XKR4: variants seen among roughly 807,000 people sequenced by gnomAD.
XKR4 encodes XK related 4, also known as XK-related protein 4.
XKR4 carries 12 observed loss-of-function variants against 53.9 expected under a neutral mutation model. The ratio of observed to expected loss-of-function variants is 0.22; its 90% CI spans 0.14 to 0.36. The LOEUF (loss-of-function observed/expected upper bound fraction) is 0.36, where lower values mean the gene tolerates loss of function less well. XKR4 is among the 10% of genes least tolerant of loss of function. The pLI, the probability that XKR4 is intolerant of heterozygous loss-of-function variation, is 1.00. For missense variants in XKR4, 799 were observed against 859.5 expected, an observed-to-expected ratio of 0.93 and a Z score of 0.88; for synonymous variants, 354 against 362.4, an observed-to-expected ratio of 0.98 and a Z score of 0.26.
At chr8:55,478,532 C>A (rs555264864) in intron 2 of XKR4, among the ~76,000 whole-genome samples, 1 of 152,196 alleles carries the variant, frequency 6.6e-6, no homozygotes, top group South Asian at 2.1e-4. Context: ...ATGACAGGAC[C>A]AACTCCACAC....
chr8:55,262,956 A>G (rs910223838), intron 1 of XKR4, among the ~76,000 whole-genome samples: 2 of 152,138 alleles, frequency 1.3e-5, no homozygotes, highest in Non-Finnish European at 2.9e-5. Context: ...AGAAACCCTG[A>G]AGGCAGGGAG....
chr8:55,357,573 T>C, intron 1 of XKR4, 105 bp from the exon 2 acceptor site: 2 of 1,177,590 alleles, frequency 1.7e-6, no homozygotes, highest in Non-Finnish European at 2.4e-6. Context: ...AATTGTTTCT[T>C]GTGCTTGCTT....
chr8:55,237,963 A>G, intron 1 of XKR4, among the ~76,000 whole-genome samples: 1 of 152,086 alleles, frequency 6.6e-6, no homozygotes, highest in East Asian at 1.9e-4. Flanking sequence ...AGAGACAGAA[A>G]GAGAGAGAAA....
chr8:55,387,024 A>G (rs1249363594), intron 2 of XKR4, among the ~76,000 whole-genome samples: 1 of 152,136 alleles, frequency 6.6e-6, no homozygotes, highest in East Asian at 1.9e-4. Context: ...CTTTCTAGTT[A>G]TTTTAGCTGG....
intron 1 of XKR4, among the ~76,000 whole-genome samples, chr8:55,268,084 C>T (rs749226884): frequency 4.6e-5 from 7 of 152,138 alleles, no homozygotes; most frequent in South Asian, 2.1e-4. Context: ...ATGTTCATTA[C>T]GCCAACTAAT....
At chr8:55,354,584 C>T (rs1321304240) in intron 1 of XKR4, among the ~76,000 whole-genome samples, 1 of 151,884 alleles carries the variant, frequency 6.6e-6, no homozygotes, top group African/African-American at 2.4e-5. Flanking sequence ...CTATCCTGGC[C>T]CACTCATCCC....
At chr8:55,511,811 C>T (rs1233521560) in intron 2 of XKR4, among the ~76,000 whole-genome samples, 1 of 152,114 alleles carries the variant, frequency 6.6e-6, no homozygotes, top group African/African-American at 2.4e-5. Context: ...TCTTTTATAT[C>T]TCTAAGGAAG....
chr8:55,389,055 T>A (rs891674287), intron 2 of XKR4, among the ~76,000 whole-genome samples: 8 of 152,244 alleles, frequency 5.3e-5, no homozygotes, highest in African/African-American at 1.9e-4. Flanking sequence ...AAGGGGCAAT[T>A]TGGACACATG....
chr8:55,201,272 G>A (rs1475819655), intron 1 of XKR4, among the ~76,000 whole-genome samples: 1 of 152,192 alleles, frequency 6.6e-6, no homozygotes, highest in Non-Finnish European at 1.5e-5. Flanking sequence ...GAAAAATATT[G>A]TGGCTGCAGT....
chr8:55,368,468 C>T (rs1804025688), intron 2 of XKR4, among the ~76,000 whole-genome samples: 1 of 152,152 alleles, frequency 6.6e-6, no homozygotes, highest in South Asian at 2.1e-4. Flanking sequence ...GCTGCCCCAT[C>T]AAGGACCCTG....
intron 1 of XKR4, among the ~76,000 whole-genome samples, chr8:55,224,923 C>T (rs183490805): frequency 9.9e-5 from 15 of 152,102 alleles, no homozygotes; most frequent in Admixed American, 3.9e-4. Flanking sequence ...GGTTAAAAGA[C>T]GTTAAGAATA....
At chr8:55,442,287 T>C (rs915236141) in intron 2 of XKR4, among the ~76,000 whole-genome samples, 4 of 152,304 alleles carry the variant, frequency 2.6e-5, no homozygotes, top group African/African-American at 9.6e-5. Flanking sequence ...TAGATACCAC[T>C]TTATACTCAG....
At position 55,173,852 on chromosome 8, in the gene XKR4, T is replaced by C. The variant is rs183275828; in HGVS notation, c.806+70558T>C. Reference sequence around the variant, plus strand: ...TTATGCCTCACTGTATATATAATCATTTACACACTTAGTGCTCTCAAAAAT... The same window carrying C: ...TTATGCCTCACTGTATATATAATCACTTACACACTTAGTGCTCTCAAAAAT... On this transcript the variant is annotated intron_variant, in intron 1 of 2. Coordinates refer to ENST00000327381, the MANE Select transcript of XKR4 (RefSeq NM_052898.2). Among the ~76,000 whole-genome samples, 16 of 152,342 alleles carry C rather than the reference T, an allele frequency of 1.1e-4. No homozygotes were observed. In the East Asian group the frequency reaches 3.1e-3, roughly 29 times the overall value.
chr8:55,287,763 T>C (rs1235164717), intron 1 of XKR4, among the ~76,000 whole-genome samples: 1 of 152,194 alleles, frequency 6.6e-6, no homozygotes, highest in Non-Finnish European at 1.5e-5. Context: ...GCCATTCCTT[T>C]GGGGCTTTGC....
chr8:55,469,354 T>C lies in XKR4; in HGVS notation c.1007-53927T>C, dbSNP rs940105311. Among the ~76,000 whole-genome samples the C allele has an allele frequency of 2.6e-5, 4 of 152,150 alleles. No individual in the cohort carries two copies. In the East Asian group the frequency reaches 7.7e-4, roughly 29 times the overall value. ...CAGTCTGGCTTTTCACACTTCTTTT[T>C]GTCTTCCCCATGCTTATGCCCAGTG... On this transcript the variant is annotated intron_variant, in intron 2 of 2. Coordinates refer to ENST00000327381, the MANE Select transcript of XKR4 (RefSeq NM_052898.2).
chr8:55,320,027 T>C (rs960683398), intron 1 of XKR4, among the ~76,000 whole-genome samples: 2 of 152,246 alleles, frequency 1.3e-5, no homozygotes, highest in African/African-American at 4.8e-5. Context: ...CTTACTTCTC[T>C]GTCCTCTCTC....
At chr8:55,356,922 AATAG>A (rs1301110725) in intron 1 of XKR4, among the ~76,000 whole-genome samples, 6 of 152,216 alleles carry the variant, frequency 3.9e-5, no homozygotes, top group South Asian at 2.1e-4. Flanking sequence ...ACTTCAACTT[AATAG>A]ATAGTTAATA....
rs1384524363 is a variant in XKR4 at position 55,540,899 on chromosome 8, G to A, written c.*16672G>A. ...ATGACTAGGGATACAAACTTCGTCT[G>A]TACTAACATCCTACCAAGCAGATTG... On this transcript the variant is annotated 3_prime_UTR_variant, in exon 3 of 3. Transcript: ENST00000327381. The A allele has an allele frequency of 1.3e-5, 2 of 152,140 alleles. No individual in the cohort carries two copies. Among genetic ancestry groups the A allele is most frequent in the African/African-American group, 2.4e-5 (1 of 41,430 alleles). The allele number at this position is 152,140 out of a possible 1,614,324, so 9.4% of individuals were successfully genotyped here.
At position 55,123,322 on chromosome 8, in the gene XKR4, A is replaced by G. The variant is rs118049064; in HGVS notation, c.806+20028A>G. Among the ~76,000 whole-genome samples the G allele has an allele frequency of 8.2e-3, 1,242 of 152,216 alleles. 7 individuals carry two copies. Among genetic ancestry groups the G allele is most frequent in the Non-Finnish European group, 0.014 (973 of 68,010 alleles). ...CTGAGTAAATTCCTCATTTCTAGATACTCTGTTTTACTTGTGAACCTCATC... is the reference window on the plus strand; with the variant it reads ...CTGAGTAAATTCCTCATTTCTAGATGCTCTGTTTTACTTGTGAACCTCATC... On this transcript the variant is annotated intron_variant, in intron 1 of 2. Coordinates refer to ENST00000327381, the MANE Select transcript of XKR4 (RefSeq NM_052898.2).
Sources: allele counts gnomAD v4.1 joint callset (sites outside exome capture counted in the v4.1 genomes callset), GRCh38; gene constraint gnomAD v4.1.1; transcripts MANE v1.5; gene names NCBI Gene and HGNC (gene_info 2026-07-23, HGNC 2026-07-21).